TEDC1: variants seen among roughly 807,000 people sequenced by gnomAD.
TEDC1 encodes the protein tubulin epsilon and delta complex 1, also known as tubulin epsilon and delta complex protein 1.
A neutral mutation model predicts 59.9 loss-of-function variants in TEDC1; 54 were observed. The observed-to-expected ratio is 0.90, with a 90% CI of 0.72 to 1.13. TEDC1 has a LOEUF of 1.13. Ranked by LOEUF, TEDC1 falls within the 50% of genes most tolerant of loss-of-function variation. The pLI, the probability that TEDC1 is intolerant of heterozygous loss-of-function variation, is 0.00. For synonymous variants in TEDC1, 353 were observed against 298.1 expected (o/e 1.18, Z -1.90); for missense variants, 734 against 683.4 (o/e 1.07, Z -0.83).
upstream of TEDC1, chr14:105,491,216 C>CTGGACCCGGCCCGTGCCATGAT (rs1402347193): frequency 2.3e-5 from 35 of 1,544,090 alleles, no homozygotes; most frequent in African/African-American, 4.1e-5. Context: ...TGATTGGGCG[C>CTGGACCCGGCCCGTGCCATGAT]TGGACCCGGC....
In TEDC1 at chr14:105,497,935, G is replaced by T; in HGVS notation, c.1116G>T (p.Leu372=). ...AGCTGCAGGCACTGGAGGAGGAGCT[G>T]CGGGAGGCTGCGGAGCGCAGGCGGG... ...VRELQALEEE[L]REAAERRRAA... is the part of the protein sequence containing the mutation. Residue 372 remains leucine, a synonymous_variant, in exon 8 of 9, where the codon CTG becomes CTT. Transcript: ENST00000392523. 6.5e-7 allele frequency: 1 copy of T among 1,546,798 alleles called. No homozygotes were observed. Among genetic ancestry groups the T allele is most frequent in the East Asian group, 2.4e-5 (1 of 41,084 alleles).
upstream of TEDC1, chr14:105,491,209 T>C (rs2084197496): frequency 3.2e-6 from 5 of 1,544,946 alleles, no homozygotes; most frequent in South Asian, 4.8e-5. Flanking sequence ...GGCGCGGTGA[T>C]TGGGCGCTGG....
Position 105,491,686 on chromosome 14 carries a change from C to T in TEDC1, c.212C>T (p.Ala71Val), listed in dbSNP as rs938897682. Residue 71 changes from alanine (A) to valine (V), a missense_variant, in exon 2 of 9, where the codon GCA becomes GTA. Physicochemically the swap from Ala to Val is moderately conservative, Grantham distance 64. Transcript: ENST00000392523. ...CCACTCCCTGCGGGCAACGCCTTGG[C>T]ATCGCTCGCCCTGGGTAAGCCCCGC... is the stretch of plus-strand genomic sequence containing the variant. ...LSPLPAGNAL[A>V]SLALEVQARL... The T allele has an allele frequency of 2.6e-6, 4 of 1,549,132 alleles. No homozygotes were observed. In the South Asian group the frequency reaches 4.8e-5, roughly 18 times the overall value.
chr14:105,498,979 T>C lies in TEDC1; in HGVS notation c.*33T>C. On this transcript the variant is annotated 3_prime_UTR_variant, in exon 9 of 9. Coordinates refer to ENST00000392523, the MANE Select transcript of TEDC1 (RefSeq NM_001367178.1). ...TCGACGGGCCCTCGTGTGGGAAGCC[T>C]GCCCTGGCCCAGCCTGGCTGGGTCT... The C allele has an allele frequency of 6.4e-7, 1 of 1,562,764 alleles. No homozygotes were observed. Among genetic ancestry groups the C allele is most frequent in the Non-Finnish European group, 8.7e-7 (1 of 1,154,246 alleles).
At chr14:105,492,882 C>A in intron 4 of TEDC1, 148 bp downstream of exon 4, 1 of 1,190,692 alleles carries the variant, frequency 8.4e-7, no homozygotes, top group Non-Finnish European at 1.1e-6. Context: ...AAAGCCTGAG[C>A]CCGTGGTTCC....
At chr14:105,493,443 C>A (rs1241424483) in intron 4 of TEDC1, among the ~76,000 whole-genome samples, 1 of 152,144 alleles carries the variant, frequency 6.6e-6, no homozygotes. Flanking sequence ...GGGAGCCTTC[C>A]CCATTTCCCT....
Position 105,491,268 on chromosome 14 carries a change from T to G in TEDC1, c.-108T>G. The G allele has an allele frequency of 1.3e-6, 2 of 1,526,048 alleles. No individual in the cohort carries two copies. The highest frequency in any genetic ancestry group is 1.8e-6 in the Non-Finnish European group (2 of 1,139,374). 94.5% of individuals were successfully genotyped at this position (1,526,048 alleles called of 1,614,324 possible). On this transcript the variant is annotated 5_prime_UTR_variant, in exon 1 of 9. Transcript: ENST00000392523. ...CTCAGGTTCCAGCCGGAGCGGTAAC[T>G]GGGCGCAGGTCCCAGCCGCCGCACT...
upstream of TEDC1, chr14:105,490,975 C>CA (rs1351142771): frequency 3.3e-6 from 5 of 1,493,394 alleles, no homozygotes; most frequent in Non-Finnish European, 4.5e-6. Context: ...TTCTCCATAT[C>CA]AACAGCCCTG....
chr14:105,498,114 C>T (rs1359901470), intron 8 of TEDC1, 137 bp downstream of exon 8: 83 of 1,132,372 alleles, frequency 7.3e-5, no homozygotes, highest in Non-Finnish European at 9.0e-5. Flanking sequence ...AGGCACGTAC[C>T]CTGAGGGAGC....
At position 105,491,252 on chromosome 14, in the gene TEDC1, C is replaced by T. The variant is rs2084198639; in HGVS notation, c.-124C>T. On this transcript the variant is annotated 5_prime_UTR_variant, in exon 1 of 9. Transcript: ENST00000392523. Reference sequence around the variant, plus strand: ...CCGTGCCATGATTGGGCTCAGGTTCCAGCCGGAGCGGTAACTGGGCGCAGG... The same window carrying T: ...CCGTGCCATGATTGGGCTCAGGTTCTAGCCGGAGCGGTAACTGGGCGCAGG... 1.3e-6 allele frequency: 2 copies of T among 1,532,832 alleles called. No homozygotes were observed. Among genetic ancestry groups the T allele is most frequent in the Non-Finnish European group, 1.8e-6 (2 of 1,142,236 alleles). 95.0% of individuals were successfully genotyped at this position (1,532,832 alleles called of 1,614,324 possible).
Position 105,495,922 on chromosome 14 carries a change from C to G in TEDC1, c.727C>G (p.Pro243Ala). 6.5e-7 allele frequency: 1 copy of G among 1,550,318 alleles called. No homozygotes were observed. The highest frequency in any genetic ancestry group is 8.7e-7 in the Non-Finnish European group (1 of 1,146,932). Residue 243 changes from proline to alanine, a missense_variant, in exon 6 of 9, where the codon CCA (proline) becomes GCA (alanine). Pro to Ala is a conservative substitution (Grantham distance 27). Coordinates refer to ENST00000392523, the MANE Select transcript of TEDC1 (RefSeq NM_001367178.1). ...GAAQNLDLAY[P>A]KCLHSFCTPG... ...TGCCCAAAACCTGGACCTGGCCTAC[C>G]CAAAGTGCCTGCACTCCTTCTGCAC...
chr14:105,491,018 G>C, upstream of TEDC1: 6 of 1,550,100 alleles, frequency 3.9e-6, no homozygotes, highest in South Asian at 1.2e-5. Flanking sequence ...GCACGAGACA[G>C]AATAGACTAC....
At chr14:105,495,747 C>T in intron 5 of TEDC1, 133 bp from the exon 6 acceptor site, 1 of 755,082 alleles carries the variant, frequency 1.3e-6, no homozygotes, top group Non-Finnish European at 2.1e-6. Context: ...CCAGGCTGCT[C>T]CTGCCCAGTG....
intron 4 of TEDC1, among the ~76,000 whole-genome samples, chr14:105,493,354 T>C (rs1289896842): frequency 6.7e-6 from 1 of 149,556 alleles, no homozygotes; most frequent in Non-Finnish European, 1.5e-5. Flanking sequence ...CCGTCGGGCC[T>C]GGCCTTGGCA....
chr14:105,496,793 A>G (rs1032113977), intron 6 of TEDC1: 18 of 160,612 alleles, frequency 1.1e-4, no homozygotes, highest in Non-Finnish European at 2.1e-4. Flanking sequence ...GGGAATGTCA[A>G]GTGTGGCTCA....
At position 105,492,246 on chromosome 14, in the gene TEDC1, T is replaced by C; in HGVS notation, c.366T>C (p.Pro122=). The change falls in exon 3 of 9, where the codon CCT becomes CCC. Residue 122 remains proline, a synonymous_variant. Coordinates refer to ENST00000392523, the MANE Select transcript of TEDC1 (RefSeq NM_001367178.1). The stretch of plus-strand genomic sequence containing the variant: ...TGTCCTGGCTCTTGGCCCGAGGACC[T>C]GTGCCCGAGCAGATGCTGGCCCAGG... ...LALSWLLARG[P]VPEQMLAQAR... 2 of 1,610,970 alleles carry C rather than the reference T, an allele frequency of 1.2e-6. No homozygotes were observed. The highest frequency in any genetic ancestry group is 1.3e-5 in the African/African-American group (1 of 75,056).
rs1555439211 is a variant in TEDC1, at chr14:105,491,380, G to A, written c.5G>A (p.Gly2Glu). The A allele has an allele frequency of 7.0e-7, 1 of 1,425,088 alleles. No individual in the cohort carries two copies. Among genetic ancestry groups the A allele is most frequent in the East Asian group, 2.7e-5 (1 of 37,520 alleles). The allele number at this position is 1,425,088 out of a possible 1,614,324, so 88.3% of individuals were successfully genotyped here. The change falls in exon 1 of 9, where the codon GGG becomes GAG. Residue 2 changes from glycine (G) to glutamate (E), a missense_variant. Gly to Glu is a moderately conservative substitution (Grantham distance 98, BLOSUM62 -2). Coordinates refer to ENST00000392523, the MANE Select transcript of TEDC1 (RefSeq NM_001367178.1). ...AAAGAGGCTGGTGCTGGCTGCATGG[G>A]GAGGCGGCGGCAGCGGGTGGACCCC... M[G>E]RRRQRVDPAA...
upstream of TEDC1, chr14:105,490,163 G>GT (rs2141778778): frequency 1.3e-5 from 2 of 151,284 alleles, no homozygotes; most frequent in East Asian, 3.9e-4. Context: ...GGCTTGCTGG[G>GT]GGGGGGGCCC....
chr14:105,497,549 G>A (rs1309498374), intron 7 of TEDC1, 106 bp downstream of exon 7: 3 of 1,357,444 alleles, frequency 2.2e-6, no homozygotes, highest in Non-Finnish European at 3.0e-6. Context: ...GGGCTTTTAG[G>A]GAGGCCACAG....
Sources: gnomAD v4.1 joint callset for allele counts (sites outside exome capture counted in the v4.1 genomes callset) on GRCh38, gnomAD v4.1.1 for gene constraint, MANE v1.5 for transcripts, NCBI Gene and HGNC (gene_info 2026-07-23, HGNC 2026-07-21) for gene names.